Variants in GOLGA4 observed in about 807,000 individuals in gnomAD.
GOLGA4 encodes golgin A4, also known as golgin subfamily A member 4.
Under a neutral mutation model 265.9 loss-of-function variants are expected in GOLGA4, and 169 were observed. The observed-to-expected ratio is 0.64, with a 90% CI of 0.56 to 0.72. The LOEUF (loss-of-function observed/expected upper bound fraction) is 0.72. Ranked by LOEUF, GOLGA4 falls within the 30% of genes least tolerant of loss-of-function variation. The pLI, the probability that GOLGA4 is intolerant of heterozygous loss-of-function variation, is 0.00. For synonymous variants in GOLGA4, 923 were observed against 855.8 expected, an observed-to-expected ratio of 1.08 and a Z score of -1.37; for missense variants, 2,482 against 2,483.4, an observed-to-expected ratio of 1.00 and a Z score of 0.01.
chr3:37,266,755 G>A, intron 2 of GOLGA4: 1 of 505,434 alleles, frequency 2.0e-6, no homozygotes, highest in South Asian at 1.7e-5. Context: ...GCTGCGTGGT[G>A]AGAACACTTT....
intron 2 of GOLGA4, among the ~76,000 whole-genome samples, chr3:37,274,602 G>C (rs1249593277): frequency 6.6e-6 from 1 of 152,006 alleles, no homozygotes; most frequent in Non-Finnish European, 1.5e-5. Flanking sequence ...ACTGAGGCAT[G>C]TGAATTGCTT....
intron 20 of GOLGA4, among the ~76,000 whole-genome samples, chr3:37,344,562 GC>G (rs1435917374): frequency 6.7e-6 from 1 of 148,716 alleles, no homozygotes; most frequent in Non-Finnish European, 1.5e-5. Flanking sequence ...TGAACTCCTG[GC>G]CTCAAGTGAT....
At chr3:37,337,286 G>A in intron 18 of GOLGA4, 123 bp downstream of exon 18, 1 of 635,516 alleles carries the variant, frequency 1.6e-6, no homozygotes, top group Non-Finnish European at 2.8e-6. Flanking sequence ...TGCAACCTCT[G>A]CCTCCTGAGT....
rs60890140 is a variant in GOLGA4, at chr3:37,314,642, A to AACACACACACACACACAC, written c.1235-755_1235-738dup. Among the ~76,000 whole-genome samples, 286 of 139,044 alleles carry AACACACACACACACACAC rather than the reference A, an allele frequency of 2.1e-3. 2 individuals are homozygous for AACACACACACACACACAC. Among genetic ancestry groups the AACACACACACACACACAC allele is most frequent in the Middle Eastern group, 3.6e-3 (1 of 274 alleles). 91.2% of individuals were successfully genotyped at this position (139,044 alleles called of 152,430 possible). On this transcript the variant is annotated intron_variant, in intron 10 of 23. Coordinates refer to ENST00000361924, the MANE Select transcript of GOLGA4 (RefSeq NM_002078.5). ...GGTGACGGAGCAAGACTCCGTCTCA[A>AACACACACACACACACAC]ACACACACACACACACACACACACA...
intron 10 of GOLGA4, among the ~76,000 whole-genome samples, chr3:37,303,830 A>C (rs576472709): frequency 6.6e-6 from 1 of 152,328 alleles, no homozygotes; most frequent in East Asian, 1.9e-4. Flanking sequence ...ACTGCTAGCC[A>C]TTACTTACTT....
chr3:37,328,301 C>A, intron 14 of GOLGA4, 115 bp from the exon 15 acceptor site: 3 of 887,702 alleles, frequency 3.4e-6, no homozygotes, highest in Non-Finnish European at 5.3e-6. Context: ...CTCTCTCTCT[C>A]AAAAATGTTT....
intron 6 of GOLGA4, 57 bp from the exon 7 acceptor site, chr3:37,296,030 T>A: frequency 6.7e-7 from 1 of 1,494,358 alleles, no homozygotes; most frequent in African/African-American, 1.4e-5. Context: ...CAAGGGACAA[T>A]TGTACTACTC....
At chr3:37,276,555 T>A in intron 2 of GOLGA4, 1 of 1,594,744 alleles carries the variant, frequency 6.3e-7, no homozygotes, top group Non-Finnish European at 8.6e-7. Context: ...GTGACAACAT[T>A]TGTTGTCTGT....
chr3:37,308,352 A>G (rs980845411), intron 10 of GOLGA4, among the ~76,000 whole-genome samples: 6 of 151,872 alleles, frequency 4.0e-5, no homozygotes, highest in Non-Finnish European at 7.4e-5. Flanking sequence ...AGTATGGCTT[A>G]AAATGTAGTT....
intron 13 of GOLGA4, 59 bp downstream of exon 13, chr3:37,321,945 G>C: frequency 7.3e-7 from 1 of 1,364,312 alleles, no homozygotes; most frequent in Non-Finnish European, 1.0e-6. Flanking sequence ...ATGAAAATTT[G>C]TTGTCTCTAG....
intron 1 of GOLGA4, chr3:37,250,188 T>A (rs1009879242): frequency 6.6e-6 from 1 of 152,256 alleles, no homozygotes; most frequent in Admixed American, 6.5e-5. Flanking sequence ...CTGCTTTGAT[T>A]TGTTTTTCAC....
chr3:37,247,119 T>G (rs1448390650), intron 1 of GOLGA4, among the ~76,000 whole-genome samples: 1 of 152,184 alleles, frequency 6.6e-6, no homozygotes, highest in Non-Finnish European at 1.5e-5. Flanking sequence ...TTTAATAAGT[T>G]TGGTACCTAA....
chr3:37,323,616 A>G lies in GOLGA4; in HGVS notation c.1730A>G (p.Glu577Gly), dbSNP rs1559426919. 6.4e-7 allele frequency: 1 copy of G among 1,569,808 alleles called. No homozygotes were observed. Residue 577 changes from glutamate to glycine, a missense_variant, in exon 14 of 24, where the codon GAA becomes GGA. Coordinates refer to ENST00000361924, the MANE Select transcript of GOLGA4 (RefSeq NM_002078.5). ...ATTCTTGAATTGGAAAGTTCTTTGG[A>G]AAAAAGCTTACAAGAAAACAAAAAT... ...TRILELESSL[E>G]KSLQENKNQS...
intron 7 of GOLGA4, 70 bp from the exon 8 acceptor site, chr3:37,298,763 A>T: frequency 1.0e-6 from 1 of 998,284 alleles, no homozygotes; most frequent in Non-Finnish European, 1.5e-6. Context: ...TGACTGTCTC[A>T]GTCATAATTT....
Position 37,298,983 on chromosome 3 carries a change from A to T in GOLGA4, c.965A>T (p.Gln322Leu), listed in dbSNP as rs1167588609. Residue 322 changes from glutamine to leucine, a missense_variant, in exon 8 of 24, where the codon CAA becomes CTA. By Grantham distance (113) the Gln-to-Leu change is moderately radical. Around this residue, in one of 3 missense-constraint regions of GOLGA4, gnomAD observed 1,536 missense variants for 1,483.7 expected, o/e 1.04. Coordinates refer to ENST00000361924, the MANE Select transcript of GOLGA4 (RefSeq NM_002078.5). ...LTSEKEALQE[Q>L]LDERLQELEK... ...AGTGAAAAAGAAGCTCTGCAAGAAC[A>T]ACTGGATGAAAGACTTCAAGAACTA... is the stretch of plus-strand genomic sequence containing the variant. The T allele has an allele frequency of 2.5e-6, 4 of 1,600,240 alleles. No individual in the cohort carries two copies. The highest frequency in any genetic ancestry group is 3.4e-6 in the Non-Finnish European group (4 of 1,176,650).
chr3:37,282,694 T>G (rs887219623), intron 3 of GOLGA4, among the ~76,000 whole-genome samples: 15 of 152,214 alleles, frequency 9.9e-5, no homozygotes, highest in Non-Finnish European at 8.8e-5. Context: ...ATTCTAAAAT[T>G]GTTTTAGGTA....
chr3:37,324,287 G>A lies in GOLGA4; in HGVS notation c.2401G>A (p.Asp801Asn). 1.9e-6 allele frequency: 3 copies of A among 1,614,212 alleles called. No individual in the cohort carries two copies. The highest frequency in any genetic ancestry group is 2.5e-6 in the Non-Finnish European group (3 of 1,180,030). ...ACTCCAGCAGGCATCTGCTAAGCTG[G>A]ACGTTTTTCAGTCTTACCAGAGTGC... is the stretch of plus-strand genomic sequence containing the variant. ...GELQQASAKL[D>N]VFQSYQSATH... Residue 801 changes from aspartate to asparagine, a missense_variant, in exon 14 of 24, where the codon GAC becomes AAC. Physicochemically the swap from Asp to Asn is conservative, Grantham distance 23 (BLOSUM62 1). Around this residue, in one of 3 missense-constraint regions of GOLGA4, gnomAD observed 1,536 missense variants for 1,483.7 expected, o/e 1.04. Coordinates refer to ENST00000361924, the MANE Select transcript of GOLGA4 (RefSeq NM_002078.5).
At chr3:37,339,694 A>G (rs553622151) in intron 19 of GOLGA4, among the ~76,000 whole-genome samples, 22 of 152,322 alleles carry the variant, frequency 1.4e-4, no homozygotes, top group Admixed American at 4.6e-4. Context: ...CTTTAGAGCA[A>G]TGTCTACTCA....
chr3:37,357,883 A>T (rs2097094719), intron 22 of GOLGA4, among the ~76,000 whole-genome samples: 1 of 152,234 alleles, frequency 6.6e-6, no homozygotes, highest in Admixed American at 6.5e-5. Flanking sequence ...TTTATTAAAT[A>T]ATCATTTTTA....
Sources: gnomAD v4.1 joint callset for allele counts (sites outside exome capture counted in the v4.1 genomes callset) on GRCh38, gnomAD v4.1.1 for gene constraint, gnomAD v4.1.1 regional missense constraint, MANE v1.5 for transcripts, NCBI Gene and HGNC (gene_info 2026-07-23, HGNC 2026-07-21) for gene names.